Variants in RPN2 observed in about 807,000 individuals in gnomAD.
RPN2 encodes the protein ribophorin II.
In RPN2, 29 loss-of-function variants were observed where a neutral mutation model predicts 71.4. That is an observed-to-expected ratio of 0.41 (90% CI 0.30 to 0.55). The LOEUF is 0.55. Among genes scored for constraint, RPN2 ranks in the 20% least tolerant of loss-of-function variants. RPN2 has a pLI of 0.35. For missense variants in RPN2, 726 were observed against 774.1 expected, an observed-to-expected ratio of 0.94 and a Z score of 0.74; for synonymous variants, 308 against 305.0, an observed-to-expected ratio of 1.01 and a Z score of -0.10.
rs1276714205 is a variant in RPN2 at position 37,198,478 on chromosome 20, C to T, written c.289C>T (p.Leu97Phe). Residue 97 changes from leucine (L) to phenylalanine (F), a missense_variant, in exon 3 of 17, where the codon CTC becomes TTC. Physicochemically the swap from Leu to Phe is conservative, Grantham distance 22. Transcript: ENST00000237530. Reference sequence around the variant, plus strand: ...CTACGCTGCCCAGGCCAGCCAGGCCCTCTCAGGATGTGAGGTGAGTCCGGG... The same window carrying T: ...CTACGCTGCCCAGGCCAGCCAGGCCTTCTCAGGATGTGAGGTGAGTCCGGG... ...LFYAAQASQA[L>F]SGCEISISNE... 6.2e-7 allele frequency: 1 copy of T among 1,614,050 alleles called. No individual in the cohort carries two copies. The highest frequency in any genetic ancestry group is 8.5e-7 in the Non-Finnish European group (1 of 1,180,056).
chr20:37,203,814 C>A, intron 4 of RPN2, 71 bp from the exon 5 acceptor site: 1 of 1,063,838 alleles, frequency 9.4e-7, no homozygotes, highest in South Asian at 1.3e-5. Flanking sequence ...TGAAAGTGTC[C>A]AAGTACGGGA....
At chr20:37,192,557 A>G (rs1007725536) in intron 2 of RPN2, among the ~76,000 whole-genome samples, 1 of 152,196 alleles carries the variant, frequency 6.6e-6, no homozygotes, top group Admixed American at 6.5e-5. Context: ...GCAAATATAT[A>G]GTGAGTTTCT....
intron 8 of RPN2, among the ~76,000 whole-genome samples, chr20:37,210,647 C>T (rs547410427): frequency 1.3e-5 from 2 of 151,404 alleles, no homozygotes; most frequent in Admixed American, 1.3e-4. Flanking sequence ...TCTCCTGCCT[C>T]AATCTCCCAA....
rs777935139 is a variant in RPN2 at position 37,241,404 on chromosome 20, AAAAAC to A, written c.*90_*94del. ...CAGTATGAGAAGAAAAATGGAAAAA[AAAAAC>A]TTTATTTAAAAAAGAAAAAAGTCCA... On this transcript the variant is annotated 3_prime_UTR_variant, in exon 17 of 17. Coordinates refer to ENST00000237530, the MANE Select transcript of RPN2 (RefSeq NM_002951.5). 14 of 1,482,710 alleles carry A rather than the reference AAAAAC, an allele frequency of 9.4e-6. No homozygotes were observed. The highest frequency in any genetic ancestry group is 1.3e-5 in the Non-Finnish European group (14 of 1,088,980). The allele number at this position is 1,482,710 out of a possible 1,614,324, so 91.8% of individuals were successfully genotyped here. A position where few individuals can be genotyped will look rare whatever the true frequency, so the allele number is the denominator to read the frequency against.
chr20:37,231,075 T>A (rs117983225), intron 13 of RPN2, among the ~76,000 whole-genome samples: 1,817 of 152,148 alleles, frequency 0.012, 28 homozygotes, highest in South Asian at 0.049. Flanking sequence ...AAAGTTCTAT[T>A]TGCATAATGA....
In RPN2 at chr20:37,228,732, C is replaced by G. The variant is rs1464106916; in HGVS notation, c.1482C>G (p.Ile494Met). 6.2e-7 allele frequency: 1 copy of G among 1,614,150 alleles called. No individual in the cohort carries two copies. The highest frequency in any genetic ancestry group is 8.5e-7 in the Non-Finnish European group (1 of 1,180,004). ...IIGDATLKNP[I>M]LWNVADVVIK... ...GAGATGCCACTTTGAAGAACCCAAT[C>G]CTCTGGAATGTGGTATGTGCCTGAA... Residue 494 changes from isoleucine (I) to methionine (M), a missense_variant, in exon 12 of 17, where the codon ATC (isoleucine) becomes ATG (methionine). Coordinates refer to ENST00000237530, the MANE Select transcript of RPN2 (RefSeq NM_002951.5).
intron 11 of RPN2, among the ~76,000 whole-genome samples, chr20:37,227,250 A>G (rs912631372): frequency 2.0e-5 from 3 of 152,246 alleles, no homozygotes; most frequent in Non-Finnish European, 4.4e-5. Flanking sequence ...AAGGGAAGGA[A>G]GAGTACAAAG....
At chr20:37,185,609 T>C (rs905440701) in intron 2 of RPN2, among the ~76,000 whole-genome samples, 1 of 152,044 alleles carries the variant, frequency 6.6e-6, no homozygotes, top group African/African-American at 2.4e-5. Context: ...CTTATATGGC[T>C]TATAGTTCTT....
chr20:37,213,661 G>A, intron 8 of RPN2, 99 bp from the exon 9 acceptor site: 1 of 908,838 alleles, frequency 1.1e-6, no homozygotes, highest in Non-Finnish European at 1.8e-6. Flanking sequence ...GAGTTGGCTA[G>A]CCTTGGACAG....
chr20:37,221,153 C>T (rs2067946919), intron 9 of RPN2, among the ~76,000 whole-genome samples: 1 of 151,740 alleles, frequency 6.6e-6, no homozygotes. Flanking sequence ...TGATAGCTTC[C>T]TTATCACTAT....
chr20:37,210,925 T>C (rs34691674), intron 8 of RPN2, among the ~76,000 whole-genome samples: 117,388 of 151,948 alleles, frequency 0.77, 45,807 homozygotes, highest in Middle Eastern at 0.89. Context: ...ATGGGGCTCA[T>C]ACCTGTAACC....
At position 37,213,817 on chromosome 20, in the gene RPN2, C is replaced by A; in HGVS notation, c.1044C>A (p.Phe348Leu). ...AATTTTCCAGTGGTTATTATGACTT[C>A]CTTGTCGAAGTTGAAGGTGACAACC... Reference protein sequence around the residue: ...NVKFSSGYYDFLVEVEGDNRY... With the variant: ...NVKFSSGYYDLLVEVEGDNRY... The change falls in exon 9 of 17, where the codon TTC (phenylalanine) becomes TTA (leucine). Residue 348 changes from phenylalanine (F) to leucine (L), a missense_variant. By Grantham distance (22) the Phe-to-Leu change is conservative (BLOSUM62 0). Coordinates refer to ENST00000237530, the MANE Select transcript of RPN2 (RefSeq NM_002951.5). The A allele has an allele frequency of 6.2e-7, 1 of 1,614,146 alleles. No individual in the cohort carries two copies. Among genetic ancestry groups the A allele is most frequent in the South Asian group, 1.1e-5 (1 of 91,090 alleles).
At chr20:37,226,829 A>G (rs1209634393) in intron 11 of RPN2, among the ~76,000 whole-genome samples, 1 of 152,078 alleles carries the variant, frequency 6.6e-6, no homozygotes, top group Non-Finnish European at 1.5e-5. Context: ...ATGGAGAATA[A>G]CCTGCCTTTA....
chr20:37,233,138 A>G (rs1419216571), intron 14 of RPN2, among the ~76,000 whole-genome samples: 1 of 152,152 alleles, frequency 6.6e-6, no homozygotes, highest in Non-Finnish European at 1.5e-5. Flanking sequence ...TGGGAAGATC[A>G]CATGAGCCCA....
chr20:37,203,840 A>T, intron 4 of RPN2, 45 bp from the exon 5 acceptor site: 9 of 1,387,304 alleles, frequency 6.5e-6, no homozygotes. Flanking sequence ...TGAGTGGATG[A>T]AACAAGACTT....
At chr20:37,198,310 G>T (rs2067298445) in intron 2 of RPN2, 87 bp from the exon 3 acceptor site, 1 of 1,608,908 alleles carries the variant, frequency 6.2e-7, no homozygotes, top group South Asian at 1.1e-5. Flanking sequence ...ATCTATAATG[G>T]CTGAGAATGT....
chr20:37,230,112 G>A, intron 13 of RPN2, 53 bp downstream of exon 13: 1 of 1,330,568 alleles, frequency 7.5e-7, no homozygotes. Flanking sequence ...GGGCAACAAA[G>A]CCCTGGACAG....
chr20:37,209,849 A>G (rs1431106950), intron 7 of RPN2, among the ~76,000 whole-genome samples, 198 bp from the exon 8 acceptor site: 1 of 152,056 alleles, frequency 6.6e-6, no homozygotes, highest in East Asian at 1.9e-4. Context: ...AAGGCAATAT[A>G]TTGGCCAGGT....
chr20:37,229,312 T>C (rs956127072), intron 12 of RPN2, among the ~76,000 whole-genome samples: 31 of 152,084 alleles, frequency 2.0e-4, no homozygotes. Flanking sequence ...GAGCAAGGGG[T>C]TGAAGAATGG....
Sources: gnomAD v4.1 joint callset for allele counts (sites outside exome capture counted in the v4.1 genomes callset) on GRCh38, gnomAD v4.1.1 for gene constraint, MANE v1.5 for transcripts, NCBI Gene and HGNC (gene_info 2026-07-23, HGNC 2026-07-21) for gene names.